Variants in GRIN3A observed in about 807,000 individuals in gnomAD.
GRIN3A encodes the protein glutamate ionotropic receptor NMDA type subunit 3A.
Under a neutral mutation model 92.4 loss-of-function variants are expected in GRIN3A, and 47 were observed. The ratio of observed to expected loss-of-function variants is 0.51; its 90% CI spans 0.40 to 0.65. The LOEUF is 0.65. Among genes scored for constraint, GRIN3A ranks in the 30% least tolerant of loss-of-function variants. GRIN3A has a pLI of 0.00. For synonymous variants in GRIN3A, 527 were observed against 540.6 expected, an observed-to-expected ratio of 0.97 and a Z score of 0.35; for missense variants, 1,324 against 1,393.1, an observed-to-expected ratio of 0.95 and a Z score of 0.79.
At chr9:101,701,354 C>T (rs1007074133) in intron 1 of GRIN3A, among the ~76,000 whole-genome samples, 9 of 152,080 alleles carry the variant, frequency 5.9e-5, no homozygotes, top group South Asian at 2.1e-4. Flanking sequence ...AGTTGTTTAT[C>T]CTGATCTTCT....
rs1204345930 is a variant in GRIN3A, at chr9:101,687,085, T to C, written c.815A>G (p.Glu272Gly). Residue 272 changes from glutamate (E) to glycine (G), a missense_variant, in exon 2 of 9, where the codon GAA becomes GGA. Transcript: ENST00000361820. ...GAGGAAGTCGGTGATGTTCCAGTCT[T>C]CCTGGCACAGCAACAAGCTAAAATT... ...WYNFSLLLCQ[E>G]DWNITDFLLL... 1.9e-6 allele frequency: 3 copies of C among 1,614,038 alleles called. No homozygotes were observed. The African/African-American group carries it at 4.0e-5, about 22-fold the overall frequency.
chr9:101,691,007 A>G lies in GRIN3A; in HGVS notation c.700-3807T>C, dbSNP rs561793435. Among the ~76,000 whole-genome samples the G allele has an allele frequency of 2.0e-5, 3 of 152,264 alleles. No individual in the cohort carries two copies. In the East Asian group the frequency reaches 5.8e-4, roughly 29 times the overall value. ...AGGTAAATATGTATCAGAAATTACAATAATAAAAGGAAAACATTGAATTAT... is the reference window on the plus strand; with the variant it reads ...AGGTAAATATGTATCAGAAATTACAGTAATAAAAGGAAAACATTGAATTAT... On this transcript the variant is annotated intron_variant, in intron 1 of 8. Transcript: ENST00000361820.
At chr9:101,595,127 G>A in intron 6 of GRIN3A, 1 of 573,370 alleles carries the variant, frequency 1.7e-6, no homozygotes, top group Non-Finnish European at 3.1e-6. Context: ...AAGAAGGAGG[G>A]AAAAGGGGGC....
intron 3 of GRIN3A, among the ~76,000 whole-genome samples, chr9:101,648,063 G>A (rs963844710): frequency 6.6e-6 from 1 of 151,528 alleles, no homozygotes; most frequent in Admixed American, 6.6e-5. Context: ...TCGTTGAGGT[G>A]CATTATTTGG....
intron 3 of GRIN3A, among the ~76,000 whole-genome samples, chr9:101,630,802 T>G (rs1293693380): frequency 6.6e-6 from 1 of 152,248 alleles, no homozygotes; most frequent in East Asian, 1.9e-4. Flanking sequence ...ATTAACAAGC[T>G]TCAGCCCATC....
chr9:101,631,410 C>G (rs1352377584), intron 3 of GRIN3A, among the ~76,000 whole-genome samples: 1 of 152,168 alleles, frequency 6.6e-6, no homozygotes, highest in Non-Finnish European at 1.5e-5. Flanking sequence ...AAATACCTTT[C>G]TCTCATATAG....
At chr9:101,702,610 C>T (rs924664639) in intron 1 of GRIN3A, among the ~76,000 whole-genome samples, 2 of 152,308 alleles carry the variant, frequency 1.3e-5, no homozygotes, top group East Asian at 3.9e-4. Flanking sequence ...TGCCTCTCTT[C>T]TTATCTGCAC....
chr9:101,635,039 T>C (rs1828767173), intron 3 of GRIN3A, among the ~76,000 whole-genome samples: 1 of 152,252 alleles, frequency 6.6e-6, no homozygotes, highest in South Asian at 2.1e-4. Flanking sequence ...TTCTTTTTCA[T>C]GTTATTCCTA....
chr9:101,585,069 C>T (rs141523442), intron 6 of GRIN3A, among the ~76,000 whole-genome samples: 86 of 152,252 alleles, frequency 5.6e-4, no homozygotes, highest in African/African-American at 1.9e-3. Flanking sequence ...CCCATTCTCC[C>T]TTAGACCCTC....
chr9:101,657,665 G>T (rs988330314), intron 3 of GRIN3A, among the ~76,000 whole-genome samples: 2 of 151,960 alleles, frequency 1.3e-5, no homozygotes, highest in Non-Finnish European at 2.9e-5. Flanking sequence ...AAGGGAAGCT[G>T]CCATTTCACA....
At chr9:101,647,992 CT>C (rs1462421752) in intron 3 of GRIN3A, among the ~76,000 whole-genome samples, 1 of 151,810 alleles carries the variant, frequency 6.6e-6, no homozygotes, top group East Asian at 1.9e-4. Flanking sequence ...TATTTCTGCT[CT>C]GATATTTATC....
chr9:101,608,950 G>A (rs1828321303), intron 6 of GRIN3A, among the ~76,000 whole-genome samples: 1 of 152,232 alleles, frequency 6.6e-6, no homozygotes, highest in Non-Finnish European at 1.5e-5. Context: ...ATGGCTAGTG[G>A]TAGGTGGGAT....
intron 3 of GRIN3A, among the ~76,000 whole-genome samples, chr9:101,653,306 T>C (rs1323424): frequency 0.47 from 71,382 of 151,698 alleles, 17,018 homozygotes; most frequent in Middle Eastern, 0.54. Flanking sequence ...ATTGTAATGC[T>C]TACTTAGCAC....
At chr9:101,608,558 A>C (rs1465926754) in intron 6 of GRIN3A, among the ~76,000 whole-genome samples, 3 of 152,194 alleles carry the variant, frequency 2.0e-5, no homozygotes, top group Non-Finnish European at 4.4e-5. Context: ...ATAGCCCTGT[A>C]ACATATATGG....
At chr9:101,713,032 C>G (rs576841287) in intron 1 of GRIN3A, among the ~76,000 whole-genome samples, 1 of 152,138 alleles carries the variant, frequency 6.6e-6, no homozygotes, top group South Asian at 2.1e-4. Flanking sequence ...GGGATTCAAA[C>G]CCAGGTAATC....
rs1829010620 is a variant in GRIN3A, at chr9:101,651,142, G to GAAATTTTAATTTTTTTTGAAATTA, written c.2352+18917_2352+18918insTAATTTCAAAAAAAATTAAAATTT. 2.6e-5 allele frequency among the ~76,000 whole-genome samples: 4 copies of GAAATTTTAATTTTTTTTGAAATTA among 151,934 alleles called. No homozygotes were observed. In the South Asian group the frequency reaches 8.3e-4, roughly 31 times the overall value. ...AAATAACATGGAAGAATAAATGAAT[G>GAAATTTTAATTTTTTTTGAAATTA]ATTTTTTAATGAAATGTTTCAGGCA... On this transcript the variant is annotated intron_variant, in intron 3 of 8. Coordinates refer to ENST00000361820, the MANE Select transcript of GRIN3A (RefSeq NM_133445.3).
intron 3 of GRIN3A, among the ~76,000 whole-genome samples, chr9:101,653,512 T>G (rs1447580606): frequency 6.6e-6 from 1 of 151,922 alleles, no homozygotes; most frequent in Non-Finnish European, 1.5e-5. Context: ...AATCCTATCA[T>G]TTTTTATTTT....
At chr9:101,587,400 G>C (rs949256527) in intron 6 of GRIN3A, among the ~76,000 whole-genome samples, 1 of 152,096 alleles carries the variant, frequency 6.6e-6, no homozygotes, top group African/African-American at 2.4e-5. Flanking sequence ...CTAGCTCCGA[G>C]GTGTGAATAT....
chr9:101,663,363 A>T (rs369151039), intron 3 of GRIN3A, among the ~76,000 whole-genome samples: 2 of 151,838 alleles, frequency 1.3e-5, no homozygotes, highest in African/African-American at 4.8e-5. Flanking sequence ...TCCATGTTGC[A>T]AGGACAGTGT....
Sources: gnomAD v4.1 joint callset for allele counts (sites outside exome capture counted in the v4.1 genomes callset) on GRCh38, gnomAD v4.1.1 for gene constraint, MANE v1.5 for transcripts, NCBI Gene and HGNC (gene_info 2026-07-23, HGNC 2026-07-21) for gene names.